Variants in MAP4 observed in about 807,000 individuals in gnomAD.
The protein encoded by MAP4 is microtubule associated protein 4.
MAP4 carries 76 observed loss-of-function variants against 170.2 expected under a neutral mutation model. The ratio of observed to expected loss-of-function variants is 0.45; its 90% confidence interval spans 0.37 to 0.54. The LOEUF (loss-of-function observed/expected upper bound fraction) is 0.54, where lower values mean the gene tolerates loss of function less well. Ranked by LOEUF, MAP4 falls within the 20% of genes least tolerant of loss-of-function variation. MAP4 has a pLI of 0.00. For synonymous variants in MAP4, 909 were observed against 994.5 expected (o/e 0.91, Z 1.62); for missense variants, 2,506 against 2,748.0 (o/e 0.91, Z 1.97).
chr3:47,961,340 A>AAAACAAAC (rs550621157), intron 3 of MAP4, among the ~76,000 whole-genome samples: 6 of 152,232 alleles, frequency 3.9e-5, no homozygotes, highest in African/African-American at 1.4e-4. Flanking sequence ...TGATTCTATT[A>AAAACAAAC]AAACAAACAA....
intron 2 of MAP4, among the ~76,000 whole-genome samples, chr3:47,980,416 A>G (rs2100084814): frequency 6.6e-6 from 1 of 152,180 alleles, no homozygotes; most frequent in Admixed American, 6.5e-5. Context: ...ATGCTACTAA[A>G]ATAAAAAATG....
At chr3:48,024,226 C>A (rs568628592) in intron 1 of MAP4, among the ~76,000 whole-genome samples, 1 of 152,228 alleles carries the variant, frequency 6.6e-6, no homozygotes, top group East Asian at 1.9e-4. Flanking sequence ...AGGAGAATCG[C>A]TTGAACCTGG....
intron 1 of MAP4, among the ~76,000 whole-genome samples, chr3:48,030,991 TTCA>T: frequency 6.6e-6 from 1 of 152,196 alleles, no homozygotes; most frequent in Middle Eastern, 3.4e-3. Context: ...AACATAACCC[TTCA>T]TCCTTTACAT....
At chr3:47,998,511 GA>G in intron 2 of MAP4, 126 bp downstream of exon 2, 1 of 728,662 alleles carries the variant, frequency 1.4e-6, no homozygotes, top group Non-Finnish European at 2.3e-6. Context: ...ATCTAACAAA[GA>G]AACATAAAGT....
chr3:47,956,579 T>C (rs1472363502), intron 3 of MAP4, among the ~76,000 whole-genome samples: 1 of 152,214 alleles, frequency 6.6e-6, no homozygotes, highest in Non-Finnish European at 1.5e-5. Flanking sequence ...GTTGGCTAGT[T>C]AGGAACTTGG....
rs2100059062 is a variant in MAP4 at position 47,945,248 on chromosome 3, A to G, written c.293-16898T>C. ...GCGACTGCAGTCCCAGCTACTCGGG[A>G]GGCTGAGACAGGAGAATTGCTTGAA... On this transcript the variant is annotated intron_variant, in intron 3 of 20. Coordinates refer to ENST00000683076, the MANE Select transcript of MAP4 (RefSeq NM_001385682.1). Among the ~76,000 whole-genome samples the G allele has an allele frequency of 1.3e-5, 2 of 151,970 alleles. 1 individual carries two copies.
intron 17 of MAP4, among the ~76,000 whole-genome samples, chr3:47,863,937 T>TGGGTGTGGGGGG (rs2074355208): frequency 1.4e-5 from 2 of 138,354 alleles, no homozygotes; most frequent in African/African-American, 2.7e-5. Flanking sequence ...TGTGTGTGTG[T>TGGGTGTGGGGGG]GGGGAGTGGT....
chr3:47,897,872 G>A (rs917488246), intron 10 of MAP4, among the ~76,000 whole-genome samples: 3 of 150,390 alleles, frequency 2.0e-5, no homozygotes, highest in Admixed American at 2.0e-4. Context: ...AACCTGGGAG[G>A]TGGAGGCTGC....
Position 47,911,229 on chromosome 3 carries a change from T to C in MAP4, c.3192A>G (p.Gly1064=). ...RMAGDGKSRK[G]RGSSGKMRTD... is the part of the protein sequence containing the mutation. ...TTCTCATTTTCCCAGAACTTCCCCT[T>C]CCCTTCCTGCTTTTGCCATCACCTG... Residue 1064 remains glycine, a synonymous_variant, in exon 9 of 21, where the codon GGA becomes GGG. Coordinates refer to ENST00000683076, the MANE Select transcript of MAP4 (RefSeq NM_001385682.1). The surrounding 1 kb of genome is among the most constrained non-coding windows in gnomAD (Gnocchi z 4.0). 1 of 1,536,086 alleles carries C rather than the reference T, an allele frequency of 6.5e-7. No individual in the cohort carries two copies. Among genetic ancestry groups the C allele is most frequent in the Non-Finnish European group, 8.7e-7 (1 of 1,146,906 alleles).
chr3:48,067,001 C>T (rs1420607294), intron 1 of MAP4, among the ~76,000 whole-genome samples: 4 of 151,802 alleles, frequency 2.6e-5, no homozygotes, highest in African/African-American at 4.8e-5. Flanking sequence ...TCACCACGCC[C>T]GGCTAATTTT....
intron 3 of MAP4, among the ~76,000 whole-genome samples, chr3:47,929,627 CAAAAAAAAAAAA>C (rs71070242): frequency 2.1e-3 from 23 of 11,204 alleles, no homozygotes; most frequent in Admixed American, 0.017. Flanking sequence ...ACTTATTATG[CAAAAAAAAAAAA>C]AAAAAAAAAA....
chr3:47,891,210 G>C (rs371503635), intron 10 of MAP4: 2 of 1,535,950 alleles, frequency 1.3e-6, no homozygotes, highest in African/African-American at 2.7e-5. Flanking sequence ...CTTCCTTCAG[G>C]AATCTGCTCC....
intron 3 of MAP4, among the ~76,000 whole-genome samples, chr3:47,946,116 T>C (rs1388183386): frequency 4.0e-5 from 6 of 150,032 alleles, no homozygotes; most frequent in Non-Finnish European, 6.0e-5. Flanking sequence ...TTTTTTTTTT[T>C]GTAGTTTTAG....
chr3:47,914,587 C>G (rs768274406), intron 8 of MAP4, among the ~76,000 whole-genome samples: 35 of 149,178 alleles, frequency 2.3e-4, no homozygotes, highest in Admixed American at 6.7e-5. Flanking sequence ...ACAAAAAAAA[C>G]AGTGGAGAAA....
chr3:47,902,461 G>A (rs1440698564), intron 10 of MAP4, among the ~76,000 whole-genome samples: 1 of 151,946 alleles, frequency 6.6e-6, no homozygotes. Context: ...GGATCACGAG[G>A]TCAGGAGTTC....
At chr3:47,881,495 T>TATATATATATATATGCA in intron 10 of MAP4, among the ~76,000 whole-genome samples, 1 of 98,276 alleles carries the variant, frequency 1.0e-5, no homozygotes, top group East Asian at 3.4e-4. Flanking sequence ...TATATATATA[T>TATATATATATATATGCA]ATGCATAATC....
At chr3:47,980,007 A>AT (rs536862108) in intron 2 of MAP4, among the ~76,000 whole-genome samples, 1 of 151,578 alleles carries the variant, frequency 6.6e-6, no homozygotes, top group Non-Finnish European at 1.5e-5. Flanking sequence ...CATTATTATT[A>AT]TTTTTTGGAA....
rs2100037741 is a variant in MAP4, at chr3:47,914,804, T to C, written c.1999+13A>G. 6.2e-7 allele frequency: 1 copy of C among 1,614,046 alleles called. No homozygotes were observed. The highest frequency in any genetic ancestry group is 8.5e-7 in the Non-Finnish European group (1 of 1,179,984). The stretch of plus-strand genomic sequence containing the variant: ...ATTTGTTTCAAAGAGTTCATTTTGT[T>C]TTCCTAACTTACCTGAGGTCTCTGA... On this transcript the variant is annotated intron_variant, in intron 8 of 20. Coordinates refer to ENST00000683076, the MANE Select transcript of MAP4 (RefSeq NM_001385682.1).
Position 47,939,048 on chromosome 3 carries a change from T to A in MAP4, c.293-10698A>T, listed in dbSNP as rs73831543. 7.5e-4 allele frequency among the ~76,000 whole-genome samples: 114 copies of A among 152,340 alleles called. 1 individual carries two copies. The highest frequency in any genetic ancestry group is 2.6e-3 in the African/African-American group (110 of 41,576). On this transcript the variant is annotated intron_variant, in intron 3 of 20. Transcript: ENST00000683076. ...TATGCTGTCCCCTCATGGCTCCTGCTAGAGCCTGTGCTCCACTCTGCCCCT... is the reference window on the plus strand; with the variant it reads ...TATGCTGTCCCCTCATGGCTCCTGCAAGAGCCTGTGCTCCACTCTGCCCCT...
Sources: gnomAD v4.1 joint callset for allele counts (sites outside exome capture counted in the v4.1 genomes callset) on GRCh38, gnomAD v4.1.1 for gene constraint, Gnocchi (gnomAD v3.1) non-coding constraint, MANE v1.5 for transcripts, NCBI Gene and HGNC (gene_info 2026-07-23, HGNC 2026-07-21) for gene names.